SLA: variants seen among roughly 807,000 people sequenced by gnomAD.
The protein encoded by SLA is src-like-adapter.
In SLA, 16 loss-of-function variants were observed where a neutral mutation model predicts 30.3. The observed-to-expected ratio is 0.53, with a 90% CI of 0.36 to 0.80. The LOEUF (loss-of-function observed/expected upper bound fraction) is 0.80, where lower values mean the gene tolerates loss of function less well. Among genes scored for constraint, SLA ranks in the 30% least tolerant of loss-of-function variants. The pLI is 0.01. For synonymous variants in SLA, 143 were observed against 137.8 expected (o/e 1.04, Z -0.26); for missense variants, 310 against 345.2 (o/e 0.90, Z 0.81).
At chr8:133,055,363 G>GCACA (rs1219639810) in intron 3 of SLA, among the ~76,000 whole-genome samples, 1,242 of 31,916 alleles carry the variant, frequency 0.039, 16 homozygotes, top group East Asian at 0.14. Flanking sequence ...ACACGCACGC[G>GCACA]CGCACACACA....
In SLA at chr8:133,038,629, C is replaced by T. The variant is rs1837536905; in HGVS notation, c.726G>A (p.Glu242=). The change falls in exon 9 of 9, where the codon GAG becomes GAA. Residue 242 remains glutamate (E), a synonymous_variant. Coordinates refer to ENST00000338087, the MANE Select transcript of SLA (RefSeq NM_001045556.3). ...SIASYLSLTS[E]DNTSFDRKKK... ...TCTTTCGATCAAAGGAGGTGTTGTC[C>T]TCACTGGTCAGGGACAGGTAAGAGG... is the stretch of plus-strand genomic sequence containing the variant. 1 of 1,613,978 alleles carries T rather than the reference C, an allele frequency of 6.2e-7. No individual in the cohort carries two copies. Among genetic ancestry groups the T allele is most frequent in the African/African-American group, 1.3e-5 (1 of 75,030 alleles).
chr8:133,096,541 C>T (rs963780295), intron 1 of SLA, among the ~76,000 whole-genome samples: 6 of 152,174 alleles, frequency 3.9e-5, no homozygotes, highest in Non-Finnish European at 5.9e-5. Flanking sequence ...AAATTAGACA[C>T]TTGCAGGGTA....
At chr8:133,047,980 C>A in intron 5 of SLA, 47 bp from the exon 6 acceptor site, 1 of 1,223,982 alleles carries the variant, frequency 8.2e-7, no homozygotes, top group Non-Finnish European at 1.2e-6. Context: ...AAGCCCTCCC[C>A]CAGGAAAGGC....
At chr8:133,098,223 C>T (rs1848724607) in intron 1 of SLA, among the ~76,000 whole-genome samples, 1 of 152,174 alleles carries the variant, frequency 6.6e-6, no homozygotes, top group Non-Finnish European at 1.5e-5. Flanking sequence ...CCTCAAGTTG[C>T]TTCTGATCAA....
At chr8:133,080,152 T>C (rs1431608434) in intron 1 of SLA, among the ~76,000 whole-genome samples, 1 of 151,632 alleles carries the variant, frequency 6.6e-6, no homozygotes, top group East Asian at 1.9e-4. Context: ...GGCATGAAAA[T>C]CAAGAGGAAA....
chr8:133,097,611 G>T (rs1588089035), intron 1 of SLA, among the ~76,000 whole-genome samples: 1 of 152,110 alleles, frequency 6.6e-6, no homozygotes, highest in African/African-American at 2.4e-5. Flanking sequence ...AAACCAACCT[G>T]TATATATCTT....
At chr8:133,102,207 C>T (rs976325373) in intron 1 of SLA, among the ~76,000 whole-genome samples, 5 of 152,206 alleles carry the variant, frequency 3.3e-5, no homozygotes, top group Admixed American at 2.0e-4. Context: ...ATCTCTGAAC[C>T]ACCTCAGCTG....
At chr8:133,045,592 GC>G (rs1460932801) in intron 6 of SLA, among the ~76,000 whole-genome samples, 6 of 151,892 alleles carry the variant, frequency 4.0e-5, no homozygotes, top group African/African-American at 1.5e-4. Context: ...GTGCAGTGTT[GC>G]TACATTGCCC....
chr8:133,095,413 A>G (rs896346508), intron 1 of SLA, among the ~76,000 whole-genome samples: 3 of 152,234 alleles, frequency 2.0e-5, no homozygotes, highest in African/African-American at 7.2e-5. Context: ...CACTGAGGGT[A>G]GACAGATGCC....
intron 1 of SLA, among the ~76,000 whole-genome samples, chr8:133,095,680 T>G (rs962139924): frequency 6.6e-6 from 1 of 152,242 alleles, no homozygotes; most frequent in East Asian, 1.9e-4. Flanking sequence ...CATGCAAAGT[T>G]CTTGCTTGCA....
intron 1 of SLA, among the ~76,000 whole-genome samples, chr8:133,080,556 A>C (rs897728785): frequency 6.6e-6 from 1 of 152,040 alleles, no homozygotes; most frequent in African/African-American, 2.4e-5. Context: ...CCCTGCTGCT[A>C]TCCTCCTCAA....
At chr8:133,068,345 C>T (rs989158516) in intron 2 of SLA, among the ~76,000 whole-genome samples, 1 of 152,186 alleles carries the variant, frequency 6.6e-6, no homozygotes, top group African/African-American at 2.4e-5. Flanking sequence ...GGATCTCATA[C>T]ACTCTCAGGC....
intron 8 of SLA, among the ~76,000 whole-genome samples, chr8:133,039,163 G>A (rs958121333): frequency 6.6e-6 from 1 of 152,210 alleles, no homozygotes; most frequent in Non-Finnish European, 1.5e-5. Flanking sequence ...ACAGGCGTGA[G>A]CCACCGCGCC....
intron 1 of SLA, among the ~76,000 whole-genome samples, chr8:133,095,830 A>T (rs1299866872): frequency 6.6e-6 from 1 of 152,216 alleles, no homozygotes. Flanking sequence ...AGCTCCCCTA[A>T]GTGCAGGCTA....
intron 2 of SLA, among the ~76,000 whole-genome samples, chr8:133,068,365 G>A (rs1293410174): frequency 6.6e-6 from 1 of 152,220 alleles, no homozygotes; most frequent in Admixed American, 6.5e-5. Flanking sequence ...CTAACAGAGA[G>A]GCTGGGCTTT....
At chr8:133,095,691 G>T (rs1339544277) in intron 1 of SLA, among the ~76,000 whole-genome samples, 2 of 152,206 alleles carry the variant, frequency 1.3e-5, no homozygotes, top group East Asian at 3.9e-4. Flanking sequence ...CTTGCTTGCA[G>T]ACCAAATCTC....
At position 133,059,916 on chromosome 8, in the gene SLA, A is replaced by G. The variant is rs562278198; in HGVS notation, c.61+184T>C. ...CACCCTTCAGGTGCGCCGAGCACCC[A>G]ATTCTTTTCGTCTTTTAATTATGAA... On this transcript the variant is annotated intron_variant, in intron 3 of 8. Coordinates refer to ENST00000338087, the MANE Select transcript of SLA (RefSeq NM_001045556.3). Among the ~76,000 whole-genome samples, 5 of 152,356 alleles carry G rather than the reference A, an allele frequency of 3.3e-5. No homozygotes were observed. In the East Asian group the frequency reaches 9.6e-4, roughly 29 times the overall value.
intron 1 of SLA, among the ~76,000 whole-genome samples, chr8:133,079,532 G>A (rs1845425140): frequency 6.6e-6 from 1 of 152,092 alleles, no homozygotes; most frequent in Non-Finnish European, 1.5e-5. Flanking sequence ...CCAGCTTCAG[G>A]TCTCGGAGGA....
chr8:133,057,546 C>T (rs1453905091), intron 3 of SLA, among the ~76,000 whole-genome samples: 4 of 152,096 alleles, frequency 2.6e-5, no homozygotes, highest in Admixed American at 6.5e-5. Flanking sequence ...ATCATGCTGT[C>T]GCTGTGAGGA....
Sources: gnomAD v4.1 joint callset for allele counts (sites outside exome capture counted in the v4.1 genomes callset) on GRCh38, gnomAD v4.1.1 for gene constraint, MANE v1.5 for transcripts, NCBI Gene and HGNC (gene_info 2026-07-23, HGNC 2026-07-21) for gene names.